Variants in KCNIP4 observed in about 807,000 individuals in gnomAD.
KCNIP4 encodes the protein Kv channel-interacting protein 4.
A neutral mutation model predicts 34.0 loss-of-function variants in KCNIP4; 12 were observed. That is an observed-to-expected ratio of 0.35 (90% confidence interval 0.23 to 0.57). The LOEUF (loss-of-function observed/expected upper bound fraction) is 0.57. KCNIP4 is among the 20% of genes least tolerant of loss of function. KCNIP4 has a pLI of 0.83. For synonymous variants in KCNIP4, 124 were observed against 102.2 expected, an observed-to-expected ratio of 1.21 and a Z score of -1.29; for missense variants, 238 against 311.7, an observed-to-expected ratio of 0.76 and a Z score of 1.78.
chr4:21,089,693 T>C (rs952945215), intron 1 of KCNIP4, among the ~76,000 whole-genome samples: 5 of 152,168 alleles, frequency 3.3e-5, no homozygotes, highest in Non-Finnish European at 4.4e-5. Context: ...CTCTACTGGG[T>C]GGTCCCTCCT....
intron 1 of KCNIP4, among the ~76,000 whole-genome samples, chr4:21,629,849 C>CTTTTTTTTTTTTTTTTTTTTTTTTTTTT (rs5856652): frequency 1.1e-5 from 1 of 87,802 alleles, no homozygotes; most frequent in Non-Finnish European, 2.0e-5. Flanking sequence ...CTTTTTCTTT[C>CTTTTTTTTTTTTTTTTTTTTTTTTTTTT]TTTTTTTTTT....
intron 3 of KCNIP4, among the ~76,000 whole-genome samples, chr4:20,838,693 T>G (rs1268705190): frequency 6.6e-6 from 1 of 152,164 alleles, no homozygotes; most frequent in Non-Finnish European, 1.5e-5. Context: ...TAGCAAGGGA[T>G]AGCAGGACAA....
rs1560473206 is a variant in KCNIP4 at position 21,512,168 on chromosome 4, GGGA to G, written c.61+436400_61+436402del. On this transcript the variant is annotated intron_variant, in intron 1 of 8. Coordinates refer to ENST00000382152, the MANE Select transcript of KCNIP4 (RefSeq NM_025221.6). ...AGGAAGCAAGGGAGGGAGGGAGGGA[GGGA>G]GGAAGGAAGGAACGAACGAAGGAAC... Among the ~76,000 whole-genome samples the G allele has an allele frequency of 2.3e-3, 302 of 129,984 alleles. 2 individuals carry two copies. Among genetic ancestry groups the G allele is most frequent in the African/African-American group, 8.5e-3 (281 of 32,914 alleles). The allele number at this position is 129,984 out of a possible 152,430, so 85.3% of individuals were successfully genotyped here. A position where few individuals can be genotyped will look rare whatever the true frequency, so the allele number is the denominator to read the frequency against.
intron 1 of KCNIP4, among the ~76,000 whole-genome samples, chr4:20,960,863 G>C (rs934399036): frequency 6.6e-6 from 1 of 152,164 alleles, no homozygotes; most frequent in African/African-American, 2.4e-5. Context: ...AGGGGCAAGA[G>C]GTGTGCAGTT....
At chr4:21,519,718 A>G (rs921857355) in intron 1 of KCNIP4, among the ~76,000 whole-genome samples, 4 of 128,478 alleles carry the variant, frequency 3.1e-5, no homozygotes, top group African/African-American at 1.3e-4. Context: ...ATGTGTATAT[A>G]TACACACGTG....
chr4:20,819,054 T>C (rs1226807531), intron 3 of KCNIP4, among the ~76,000 whole-genome samples: 1 of 151,792 alleles, frequency 6.6e-6, no homozygotes, highest in Non-Finnish European at 1.5e-5. Context: ...ACAGCTAATT[T>C]TGTATTTTTA....
At chr4:21,396,105 TATATAGTCTATATATAC>T (rs1722970433) in intron 1 of KCNIP4, among the ~76,000 whole-genome samples, 1 of 151,164 alleles carries the variant, frequency 6.6e-6, no homozygotes, top group Non-Finnish European at 1.5e-5. Context: ...GAGTCTCCTA[TATATAGTCTATATATAC>T]ATATATAAGA....
intron 1 of KCNIP4, chr4:21,316,630 T>C (rs1420260019): frequency 6.6e-6 from 1 of 152,144 alleles, no homozygotes; most frequent in Non-Finnish European, 1.5e-5. Context: ...TTGGCACTAA[T>C]GTGTGAAGGC....
chr4:21,579,027 TTTC>T (rs1164583085), intron 1 of KCNIP4, among the ~76,000 whole-genome samples: 1 of 152,182 alleles, frequency 6.6e-6, no homozygotes, highest in Middle Eastern at 3.2e-3. Context: ...TCGTGGTTTG[TTTC>T]TTGTCTCCAA....
At position 21,255,314 on chromosome 4, in the gene KCNIP4, G is replaced by A. The variant is rs556954409; in HGVS notation, c.62-372605C>T. 1.4e-3 allele frequency among the ~76,000 whole-genome samples: 214 copies of A among 152,184 alleles called. 1 individual carries two copies. Among genetic ancestry groups the A allele is most frequent in the Admixed American group, 3.7e-3 (56 of 15,296 alleles). On this transcript the variant is annotated intron_variant, in intron 1 of 8. Coordinates refer to ENST00000382152, the MANE Select transcript of KCNIP4 (RefSeq NM_025221.6). ...CCCACTTCCAAGTAATAACAGCTAA[G>A]TTTAAAAGCCGTGTTGCTTCTTCTT... is the stretch of plus-strand genomic sequence containing the variant.
chr4:21,672,308 A>G (rs1241076061), intron 1 of KCNIP4, among the ~76,000 whole-genome samples: 1 of 152,106 alleles, frequency 6.6e-6, no homozygotes, highest in East Asian at 1.9e-4. Flanking sequence ...AAACAAAAAG[A>G]TACTGGTTCT....
At chr4:21,944,556 CAAAAAAAA>C (rs5856680) in intron 1 of KCNIP4, among the ~76,000 whole-genome samples, 43,037 of 104,820 alleles carry the variant, frequency 0.41, 7,072 homozygotes, top group Non-Finnish European at 0.47. Flanking sequence ...GACTCCGTCT[CAAAAAAAA>C]AAAAAAAAAA....
intron 1 of KCNIP4, among the ~76,000 whole-genome samples, chr4:21,934,381 G>A (rs1729733759): frequency 6.6e-6 from 1 of 151,864 alleles, no homozygotes; most frequent in Non-Finnish European, 1.5e-5. Context: ...AGCATTTAAT[G>A]GTTCTTTTTC....
intron 8 of KCNIP4, 53 bp from the exon 9 acceptor site, chr4:20,730,182 T>C: frequency 6.4e-7 from 1 of 1,555,534 alleles, no homozygotes; most frequent in Non-Finnish European, 8.7e-7. Flanking sequence ...CAAGGAAAAG[T>C]ACACTATTTT....
At chr4:21,627,789 G>C (rs1223638183) in intron 1 of KCNIP4, among the ~76,000 whole-genome samples, 1 of 152,094 alleles carries the variant, frequency 6.6e-6, no homozygotes, top group Non-Finnish European at 1.5e-5. Context: ...TAATTTGCTT[G>C]CTTGGATTGT....
chr4:20,778,491 T>C (rs1201814845), intron 3 of KCNIP4, among the ~76,000 whole-genome samples: 2 of 152,138 alleles, frequency 1.3e-5, no homozygotes, highest in Non-Finnish European at 2.9e-5. Flanking sequence ...CAAGGAAAAC[T>C]GGGGAAATCT....
At chr4:20,854,619 A>G (rs754227165) in intron 2 of KCNIP4, among the ~76,000 whole-genome samples, 4 of 152,152 alleles carry the variant, frequency 2.6e-5, no homozygotes, top group Admixed American at 6.6e-5. Context: ...TACCACCTGT[A>G]CCCCAATAAT....
intron 2 of KCNIP4, among the ~76,000 whole-genome samples, chr4:20,870,401 C>T (rs1339313158): frequency 6.6e-6 from 1 of 152,102 alleles, no homozygotes; most frequent in Admixed American, 6.6e-5. Flanking sequence ...TTCCTGAGGC[C>T]TCCCCAACCA....
intron 1 of KCNIP4, among the ~76,000 whole-genome samples, chr4:20,923,476 C>T (rs1482606619): frequency 6.6e-6 from 1 of 152,054 alleles, no homozygotes; most frequent in African/African-American, 2.4e-5. Context: ...TCATTGTACT[C>T]ACCTATATAG....
Sources: allele counts gnomAD v4.1 joint callset (sites outside exome capture counted in the v4.1 genomes callset), GRCh38; gene constraint gnomAD v4.1.1; transcripts MANE v1.5; gene names NCBI Gene and HGNC (gene_info 2026-07-23, HGNC 2026-07-21).